Variants in CWF19L2 observed in about 807,000 individuals in gnomAD.
CWF19L2 encodes CWF19-like protein 2.
A neutral mutation model predicts 111.7 loss-of-function variants in CWF19L2; 98 were observed. That is an observed-to-expected ratio of 0.88 (90% CI 0.75 to 1.04). The LOEUF (loss-of-function observed/expected upper bound fraction) is 1.04. CWF19L2 is among the 50% of genes least tolerant of loss of function. The pLI is 0.00. For missense variants in CWF19L2, 1,101 were observed against 1,051.4 expected, an observed-to-expected ratio of 1.05 and a Z score of -0.65; for synonymous variants, 351 against 342.9, an observed-to-expected ratio of 1.02 and a Z score of -0.26.
intron 10 of CWF19L2, among the ~76,000 whole-genome samples, chr11:107,415,000 T>G (rs1861205437): frequency 6.6e-6 from 1 of 152,208 alleles, no homozygotes; most frequent in Admixed American, 6.5e-5. Context: ...ATATGTTTTC[T>G]GCTTAAAACC....
chr11:107,388,721 G>C (rs182178378), intron 12 of CWF19L2, among the ~76,000 whole-genome samples: 17 of 152,126 alleles, frequency 1.1e-4, no homozygotes, highest in African/African-American at 3.6e-4. Flanking sequence ...AACTTGAATG[G>C]TTTATGGTTC....
intron 12 of CWF19L2, among the ~76,000 whole-genome samples, chr11:107,375,222 G>A (rs4287308): frequency 0.27 from 33,118 of 121,216 alleles, 7,509 homozygotes; most frequent in Non-Finnish European, 0.32. Context: ...CGAGACAGAA[G>A]GTCAACAAGG....
At chr11:107,345,599 A>T in intron 14 of CWF19L2, 1 of 357,842 alleles carries the variant, frequency 2.8e-6, no homozygotes, top group Non-Finnish European at 5.5e-6. Flanking sequence ...AAAATATATA[A>T]ACCTCATACT....
At chr11:107,362,641 A>G (rs1860372757) in intron 12 of CWF19L2, among the ~76,000 whole-genome samples, 1 of 151,418 alleles carries the variant, frequency 6.6e-6, no homozygotes, top group Non-Finnish European at 1.5e-5. Flanking sequence ...ACTAACAAAC[A>G]GAAAGGACAT....
chr11:107,428,956 C>G lies in CWF19L2; in HGVS notation c.1276G>C (p.Gly426Arg). ...TTTTGATTTGAATGTTTCTTGTCTCCTCTCCCATCAGAGCGACTCCATGAT... is the reference window on the plus strand; with the variant it reads ...TTTTGATTTGAATGTTTCTTGTCTCGTCTCCCATCAGAGCGACTCCATGAT... Reference protein sequence around the residue: ...LTSWSRSDGRGDKKHSNQKPS... With the variant: ...LTSWSRSDGRRDKKHSNQKPS... The change falls in exon 8 of 18, where the codon GGA (glycine) becomes CGA (arginine). Residue 426 changes from glycine to arginine, a missense_variant. Gly to Arg is a moderately radical substitution (Grantham distance 125). Transcript: ENST00000282251. 1 of 1,613,252 alleles carries G rather than the reference C, an allele frequency of 6.2e-7. No individual in the cohort carries two copies.
At chr11:107,369,070 C>T (rs1860472867) in intron 12 of CWF19L2, among the ~76,000 whole-genome samples, 1 of 137,798 alleles carries the variant, frequency 7.3e-6, no homozygotes, top group Admixed American at 7.1e-5. Context: ...CTTCCCTTTC[C>T]AGCAACTCCT....
At position 107,372,070 on chromosome 11, in the gene CWF19L2, C is replaced by T. The variant is rs1860518585; in HGVS notation, c.1872+18004G>A. 1.5e-5 allele frequency among the ~76,000 whole-genome samples: 2 copies of T among 135,366 alleles called. 1 individual carries two copies. Among genetic ancestry groups the T allele is most frequent in the South Asian group, 5.1e-4 (2 of 3,920 alleles). 88.8% of individuals were successfully genotyped at this position (135,366 alleles called of 152,430 possible). A position where few individuals can be genotyped will look rare whatever the true frequency, so the allele number is the denominator to read the frequency against. ...TTCTGGAATTCCATGCACTTGACTT[C>T]AAGTCCCAAATATGAGACTCCAGAA... On this transcript the variant is annotated intron_variant, in intron 12 of 17. Transcript: ENST00000282251.
At chr11:107,349,744 CATT>C (rs1565247861) in intron 13 of CWF19L2, among the ~76,000 whole-genome samples, 2 of 151,964 alleles carry the variant, frequency 1.3e-5, no homozygotes. Flanking sequence ...GCATGGCAGA[CATT>C]ATTTATTTAA....
intron 8 of CWF19L2, among the ~76,000 whole-genome samples, chr11:107,419,721 T>C (rs1468995050): frequency 6.6e-6 from 1 of 152,084 alleles, no homozygotes; most frequent in African/African-American, 2.4e-5. Context: ...TAGAGTTTGG[T>C]GAACTTGAAG....
chr11:107,361,966 C>T (rs754395883), intron 12 of CWF19L2, among the ~76,000 whole-genome samples: 5 of 152,260 alleles, frequency 3.3e-5, no homozygotes, highest in South Asian at 2.1e-4. Context: ...AGTGGGTGCA[C>T]GCACCGTGCG....
At chr11:107,360,284 C>G (rs1021095102) in intron 12 of CWF19L2, among the ~76,000 whole-genome samples, 1 of 148,034 alleles carries the variant, frequency 6.8e-6, no homozygotes, top group Non-Finnish European at 1.5e-5. Context: ...CAGCAAAAAA[C>G]AAAAACAAAA....
chr11:107,428,379 G>A (rs977269246), intron 8 of CWF19L2, among the ~76,000 whole-genome samples: 10 of 151,974 alleles, frequency 6.6e-5, no homozygotes, highest in African/African-American at 1.4e-4. Flanking sequence ...CCGTGGCAGC[G>A]TGTTTTCCTT....
In CWF19L2 at chr11:107,336,509, A is replaced by C. The variant is rs747116995; in HGVS notation, c.2358+49T>G. 3 of 1,384,936 alleles carry C rather than the reference A, an allele frequency of 2.2e-6. No individual in the cohort carries two copies. In the Admixed American group the frequency reaches 7.1e-5, roughly 33 times the overall value. 85.8% of individuals were successfully genotyped at this position (1,384,936 alleles called of 1,614,324 possible). ...ATAAAGACAACAATATTTGTAAAAT[A>C]GCACTATAGCAAAAAATAAGTGTAT... On this transcript the variant is annotated intron_variant, in intron 15 of 17. Transcript: ENST00000282251.
At chr11:107,440,449 AGATTT>A (rs1861605457) in intron 5 of CWF19L2, among the ~76,000 whole-genome samples, 2 of 152,330 alleles carry the variant, frequency 1.3e-5, no homozygotes, top group South Asian at 4.1e-4. Context: ...AAAACCATAC[AGATTT>A]GATTTCTTAG....
chr11:107,380,572 TAA>T (rs1462883704), intron 12 of CWF19L2, among the ~76,000 whole-genome samples: 18 of 151,934 alleles, frequency 1.2e-4, no homozygotes, highest in African/African-American at 4.4e-4. Flanking sequence ...TAAAAAAAAA[TAA>T]GTGTTGGCAA....
Position 107,334,863 on chromosome 11 carries a change from A to G in CWF19L2, c.2439+18T>C. 1.4e-6 allele frequency: 2 copies of G among 1,472,352 alleles called. No individual in the cohort carries two copies. Among genetic ancestry groups the G allele is most frequent in the Non-Finnish European group, 1.9e-6 (2 of 1,053,874 alleles). 91.2% of individuals were successfully genotyped at this position (1,472,352 alleles called of 1,614,324 possible). A position where few individuals can be genotyped will look rare whatever the true frequency, so the allele number is the denominator to read the frequency against. ...GAGCACTAGGGTAATTTCTTTTACC[A>G]GGAAAAAACATACTTACAGACTTTC... On this transcript the variant is annotated intron_variant, in intron 16 of 17. Coordinates refer to ENST00000282251, the MANE Select transcript of CWF19L2 (RefSeq NM_152434.3).
At chr11:107,339,840 G>C (rs763903745) in intron 14 of CWF19L2, among the ~76,000 whole-genome samples, 1 of 151,662 alleles carries the variant, frequency 6.6e-6, no homozygotes, top group Non-Finnish European at 1.5e-5. Context: ...GCTAATTTTT[G>C]TATTTTTAGT....
At chr11:107,455,821 C>T (rs956353652) in intron 1 of CWF19L2, 45 bp from the exon 2 acceptor site, 5 of 1,195,198 alleles carry the variant, frequency 4.2e-6, no homozygotes, top group African/African-American at 3.1e-5. Context: ...ATTGACCCAA[C>T]TGGGTTTCAC....
chr11:107,380,980 T>C (rs1287424487), intron 12 of CWF19L2, among the ~76,000 whole-genome samples: 2 of 152,216 alleles, frequency 1.3e-5, no homozygotes, highest in African/African-American at 2.4e-5. Context: ...ACAAGTATTA[T>C]ATGATTCTAC....
Sources: gnomAD v4.1 joint callset for allele counts (sites outside exome capture counted in the v4.1 genomes callset) on GRCh38, gnomAD v4.1.1 for gene constraint, MANE v1.5 for transcripts, NCBI Gene and HGNC (gene_info 2026-07-23, HGNC 2026-07-21) for gene names.